NRAP: variants seen among roughly 807,000 people sequenced by gnomAD.
NRAP encodes the protein nebulin-related-anchoring protein.
A neutral mutation model predicts 225.9 loss-of-function variants in NRAP; 189 were observed. The ratio of observed to expected loss-of-function variants is 0.84; its 90% CI spans 0.74 to 0.94. NRAP has a LOEUF of 0.94. NRAP is among the 40% of genes least tolerant of loss of function. The pLI is 0.00. For missense variants in NRAP, 2,176 were observed against 2,168.7 expected, an observed-to-expected ratio of 1.00 and a Z score of -0.07; for synonymous variants, 769 against 790.7, an observed-to-expected ratio of 0.97 and a Z score of 0.46.
At chr10:113,608,136 T>C (rs1336415604) in intron 32 of NRAP, among the ~76,000 whole-genome samples, 1 of 152,182 alleles carries the variant, frequency 6.6e-6, no homozygotes, top group Admixed American at 6.5e-5. Context: ...TTGGAGTCAG[T>C]AGATCTGAGG....
chr10:113,637,085 C>T (rs551534756), intron 14 of NRAP, among the ~76,000 whole-genome samples: 44 of 151,444 alleles, frequency 2.9e-4, no homozygotes, highest in Non-Finnish European at 5.0e-4. Flanking sequence ...TGGCTACTAA[C>T]TTGTATACTC....
At chr10:113,660,280 C>T (rs1564767634) in intron 3 of NRAP, among the ~76,000 whole-genome samples, 1 of 152,008 alleles carries the variant, frequency 6.6e-6, no homozygotes. Flanking sequence ...CACACATACT[C>T]ATGCACACAC....
Position 113,657,317 on chromosome 10 carries a change from C to T in NRAP, c.360+153G>A, listed in dbSNP as rs140807543. On this transcript the variant is annotated intron_variant, in intron 4 of 41. Coordinates refer to ENST00000359988, the MANE Select transcript of NRAP (RefSeq NM_198060.4). ...ATAGAGTTCAGGTGATATTAGGACA[C>T]GCTGATTGAGGTCTTCCATAGACAG... Among the ~76,000 whole-genome samples, 708 of 152,180 alleles carry T rather than the reference C, an allele frequency of 4.7e-3. 6 individuals carry two copies. Among genetic ancestry groups the T allele is most frequent in the African/African-American group, 0.016 (659 of 41,510 alleles).
chr10:113,593,661 G>A (rs914743506), intron 38 of NRAP, among the ~76,000 whole-genome samples: 1 of 152,240 alleles, frequency 6.6e-6, no homozygotes, highest in African/African-American at 2.4e-5. Flanking sequence ...ATGTAGGAAT[G>A]TTCAGATTAT....
At position 113,612,435 on chromosome 10, in the gene NRAP, G is replaced by C; in HGVS notation, c.3301-4C>G. The stretch of plus-strand genomic sequence containing the variant: ...CAAAGCCTTTCTTGTAATTCACCTA[G>C]AGGGGCAGACAGAGCAACAGCAGCT... On this transcript the variant is annotated splice_region_variant and splice_polypyrimidine_tract_variant and intron_variant, in intron 29 of 41. Transcript: ENST00000359988. 6.2e-7 allele frequency: 1 copy of C among 1,613,404 alleles called. No individual in the cohort carries two copies. The highest frequency in any genetic ancestry group is 8.5e-7 in the Non-Finnish European group (1 of 1,179,558).
At chr10:113,642,323 C>A (rs1272056581) in intron 12 of NRAP, among the ~76,000 whole-genome samples, 2 of 152,294 alleles carry the variant, frequency 1.3e-5, no homozygotes, top group East Asian at 1.9e-4. Context: ...TAAGCCACTA[C>A]ATTTATGCAA....
At chr10:113,600,439 C>A (rs1251397931) in intron 35 of NRAP, among the ~76,000 whole-genome samples, 1 of 152,148 alleles carries the variant, frequency 6.6e-6, no homozygotes, top group East Asian at 1.9e-4. Flanking sequence ...CTCAGCTTCC[C>A]AAAATGTGGG....
At chr10:113,620,264 C>G (rs1204647386) in intron 25 of NRAP, among the ~76,000 whole-genome samples, 6 of 152,158 alleles carry the variant, frequency 3.9e-5, no homozygotes, top group African/African-American at 1.4e-4. Context: ...TGCCTAAAGT[C>G]ACCAAAGAGC....
intron 35 of NRAP, among the ~76,000 whole-genome samples, chr10:113,598,840 C>T (rs1342427828): frequency 2.0e-5 from 3 of 152,082 alleles, no homozygotes; most frequent in African/African-American, 4.8e-5. Context: ...ATTTTCTTTC[C>T]TCATTTTAAG....
chr10:113,594,459 T>G (rs1257493612), intron 38 of NRAP, among the ~76,000 whole-genome samples: 2 of 152,296 alleles, frequency 1.3e-5, no homozygotes, highest in Non-Finnish European at 2.9e-5. Context: ...CCAAATGCAC[T>G]GGCAGCTTTA....
chr10:113,597,129 G>A lies in NRAP; in HGVS notation c.4388C>T (p.Pro1463Leu), dbSNP rs1846327702. ...SIKFTTVVDS[P>L]DLVHAKNSYM... is the part of the protein sequence containing the mutation. ...GCTGTTCTTGGCATGAACCAGGTCTGGGGAGTCAACCACTGTGGTGAACTT... is the reference window on the plus strand; with the variant it reads ...GCTGTTCTTGGCATGAACCAGGTCTAGGGAGTCAACCACTGTGGTGAACTT... Residue 1463 changes from proline to leucine, a missense_variant, in exon 37 of 42, where the codon CCA (proline) becomes CTA (leucine). Around this residue, in one of 3 missense-constraint regions of NRAP, gnomAD observed 445 missense variants for 426.1 expected, o/e 1.04. Transcript: ENST00000359988. 6.2e-7 allele frequency: 1 copy of A among 1,613,628 alleles called. No homozygotes were observed. Among genetic ancestry groups the A allele is most frequent in the Non-Finnish European group, 8.5e-7 (1 of 1,179,644 alleles).
intron 29 of NRAP, among the ~76,000 whole-genome samples, chr10:113,613,356 G>T (rs950424361): frequency 6.6e-6 from 1 of 152,162 alleles, no homozygotes; most frequent in African/African-American, 2.4e-5. Context: ...TGGCTCCACG[G>T]CCTGGCTCTG....
chr10:113,643,011 T>A lies in NRAP; in HGVS notation c.1138A>T (p.Ser380Cys). 6.3e-7 allele frequency: 1 copy of A among 1,593,004 alleles called. No homozygotes were observed. Among genetic ancestry groups the A allele is most frequent in the East Asian group, 2.2e-5 (1 of 44,766 alleles). Residue 380 changes from serine to cysteine, a missense_variant, in exon 12 of 42, where the codon AGT becomes TGT. Ser to Cys is a moderately radical substitution (Grantham distance 112, BLOSUM62 -1). Coordinates refer to ENST00000359988, the MANE Select transcript of NRAP (RefSeq NM_198060.4). The part of the protein sequence containing the change: ...EVEYKKDLES[S>C]RGHSINYCET... ...CAGTAGTTGATACTGTGACCTCTAC[T>A]ACTTTCCAGATCCTTCTTATACTCC...
At chr10:113,651,978 C>A in intron 6 of NRAP, 71 bp from the exon 7 acceptor site, 1 of 926,870 alleles carries the variant, frequency 1.1e-6, no homozygotes, top group East Asian at 2.4e-5. Context: ...CCCTGTGGCT[C>A]TCCTAAAGCT....
At chr10:113,613,349 C>T (rs995701962) in intron 29 of NRAP, among the ~76,000 whole-genome samples, 2 of 152,182 alleles carry the variant, frequency 1.3e-5, no homozygotes, top group African/African-American at 4.8e-5. Context: ...GTAGAGCTGG[C>T]TCCACGGCCT....
At position 113,621,976 on chromosome 10, in the gene NRAP, G is replaced by T; in HGVS notation, c.2662C>A (p.His888Asn). Residue 888 changes from histidine (H) to asparagine (N), a missense_variant, in exon 24 of 42, where the codon CAT (histidine) becomes AAT (asparagine). His to Asn is a moderately conservative substitution (Grantham distance 68). Transcript: ENST00000359988. ...TTGTAGCCTACGTCTGTGGCTAAAT[G>T]CTGAGCTTTGCGGGCATGCACGAGG... ...VHLVHARKAQHLATDVGYKTA... is the reference protein window; with the variant it reads ...VHLVHARKAQNLATDVGYKTA... 1 of 1,614,228 alleles carries T rather than the reference G, an allele frequency of 6.2e-7. No homozygotes were observed. The highest frequency in any genetic ancestry group is 1.3e-5 in the African/African-American group (1 of 75,064).
chr10:113,614,202 G>A lies in NRAP; in HGVS notation c.3281C>T (p.Ala1094Val), dbSNP rs765476004. 5.6e-6 allele frequency: 9 copies of A among 1,612,280 alleles called. No individual in the cohort carries two copies. Among genetic ancestry groups the A allele is most frequent in the African/African-American group, 4.0e-5 (3 of 74,878 alleles). Residue 1094 changes from alanine to valine, a missense_variant, in exon 29 of 42, where the codon GCG becomes GTG. This residue lies in a region of NRAP where 1,708 missense variants were observed against 1,695.5 expected (regional missense o/e 1.01). Transcript: ENST00000359988. ...DDISLAHSVY[A>V]TSLQSDVNYK... ...ACTTACATCACTCTGCAGTGAGGTC[G>A]CATACACTGAATGTGCAAGGCTGAT...
chr10:113,627,972 A>G (rs1287044500), intron 20 of NRAP, among the ~76,000 whole-genome samples: 1 of 152,184 alleles, frequency 6.6e-6, no homozygotes, highest in East Asian at 1.9e-4. Flanking sequence ...TTTGCAAGAG[A>G]TATGCCGACT....
chr10:113,606,148 T>C, intron 33 of NRAP, 30 bp downstream of exon 33: 1 of 1,499,130 alleles, frequency 6.7e-7, no homozygotes, highest in Non-Finnish European at 9.3e-7. Context: ...CTTTGGAGCA[T>C]GCTTGAACTT....
Sources: allele counts gnomAD v4.1 joint callset (sites outside exome capture counted in the v4.1 genomes callset), GRCh38; gene constraint gnomAD v4.1.1; regional missense constraint gnomAD v4.1.1; transcripts MANE v1.5; gene names NCBI Gene and HGNC (gene_info 2026-07-23, HGNC 2026-07-21).